CPM: variants seen among roughly 807,000 people sequenced by gnomAD.
CPM encodes renal carboxypeptidase.
A neutral mutation model predicts 46.4 loss-of-function variants in CPM; 35 were observed. The ratio of observed to expected loss-of-function variants is 0.75; its 90% CI spans 0.58 to 1.00. The LOEUF is 1.00. CPM is among the 50% of genes least tolerant of loss of function. CPM has a pLI of 0.00. For synonymous variants in CPM, 195 were observed against 195.3 expected, an observed-to-expected ratio of 1.00 and a Z score of 0.01; for missense variants, 422 against 530.4, an observed-to-expected ratio of 0.80 and a Z score of 2.01.
intron 1 of CPM, among the ~76,000 whole-genome samples, chr12:68,954,382 C>T (rs953706887): frequency 5.9e-5 from 9 of 152,278 alleles, no homozygotes; most frequent in South Asian, 2.1e-4. Flanking sequence ...TCTGCCTCTG[C>T]GGCAGCCTCT....
chr12:68,906,555 T>A (rs751697805), intron 2 of CPM, among the ~76,000 whole-genome samples: 54 of 152,148 alleles, frequency 3.5e-4, no homozygotes, highest in African/African-American at 9.9e-4. Context: ...AGTGGCACGA[T>A]CTTGGTTCAC....
In CPM at chr12:68,856,293, T is replaced by C. The variant is rs957534562; in HGVS notation, c.*144A>G. 37 of 929,292 alleles carry C rather than the reference T, an allele frequency of 4.0e-5. No individual in the cohort carries two copies. Among genetic ancestry groups the C allele is most frequent in the Non-Finnish European group, 5.0e-5 (31 of 615,290 alleles). The allele number at this position is 929,292 out of a possible 1,614,324, so 57.6% of individuals were successfully genotyped here. Reference sequence around the variant, plus strand: ...CACCACATATTGCTTATTGTGGAATTTGGAAACATCCATTTCTCTTCTTCA... The same window carrying C: ...CACCACATATTGCTTATTGTGGAATCTGGAAACATCCATTTCTCTTCTTCA... On this transcript the variant is annotated 3_prime_UTR_variant, in exon 9 of 9. Coordinates refer to ENST00000551568, the MANE Select transcript of CPM (RefSeq NM_198320.5).
intron 5 of CPM, chr12:68,843,295 TGAGA>T (rs138844063): frequency 0.053 from 11,616 of 218,394 alleles, 1,332 homozygotes; most frequent in African/African-American, 0.25. Flanking sequence ...GGCCATTTAT[TGAGA>T]GAGAGAGAGA....
rs1388038630 is a variant in CPM at position 68,852,739 on chromosome 12, T to A, written c.*3698A>T. 14 of 151,926 alleles carry A rather than the reference T, an allele frequency of 9.2e-5. No homozygotes were observed. The highest frequency in any genetic ancestry group is 2.2e-4 in the African/African-American group (9 of 41,408). 9.4% of individuals were successfully genotyped at this position (151,926 alleles called of 1,614,324 possible). A position where few individuals can be genotyped will look rare whatever the true frequency, so the allele number is the denominator to read the frequency against. On this transcript the variant is annotated 3_prime_UTR_variant, in exon 9 of 9. Coordinates refer to ENST00000551568, the MANE Select transcript of CPM (RefSeq NM_198320.5). ...CGCCCGGCTAATTTTTGTATTTTTT[T>A]TTAGTAGAGATGGGGTTTCACCGTG...
At chr12:68,866,830 A>G in intron 7 of CPM, 66 bp downstream of exon 7, 1 of 1,404,472 alleles carries the variant, frequency 7.1e-7, no homozygotes, top group Non-Finnish European at 1.0e-6. Flanking sequence ...CGTTTAGTCA[A>G]CCCAGAGGTC....
intron 2 of CPM, among the ~76,000 whole-genome samples, chr12:68,931,763 A>AAAAAAAAAAAGAAAGAAAGAAAG (rs1482981614): frequency 1.5e-5 from 2 of 132,504 alleles, no homozygotes; most frequent in African/African-American, 6.1e-5. Flanking sequence ...AAAAAAAAAA[A>AAAAAAAAAAAGAAAGAAAGAAAG]AAAGAAAGAA....
At chr12:68,843,871 T>G (rs1170388391) in intron 5 of CPM, 1 of 216,062 alleles carries the variant, frequency 4.6e-6, no homozygotes, top group Non-Finnish European at 9.3e-6. Flanking sequence ...ATACTTCAGC[T>G]TCAATTTGGA....
chr12:68,903,464 C>T (rs560100628), intron 2 of CPM, among the ~76,000 whole-genome samples: 1 of 152,336 alleles, frequency 6.6e-6, no homozygotes, highest in Non-Finnish European at 1.5e-5. Flanking sequence ...CTCCCAAACC[C>T]AACTCTTTGG....
chr12:68,932,633 G>A (rs1322726748), intron 2 of CPM, 45 bp downstream of exon 2: 1 of 1,606,944 alleles, frequency 6.2e-7, no homozygotes, highest in Non-Finnish European at 8.5e-7. Context: ...AATACTGAAA[G>A]GGAGGACTGA....
chr12:68,842,228 T>TTA (rs1462738248), exon 6 of CPM: 1 of 498,854 alleles, frequency 2.0e-6, no homozygotes, highest in East Asian at 4.6e-5. Flanking sequence ...CAAGCTATAT[T>TTA]TATAATGAAC....
At chr12:68,961,859 T>G (rs1293148190) in intron 1 of CPM, among the ~76,000 whole-genome samples, 8 of 152,216 alleles carry the variant, frequency 5.3e-5, no homozygotes. Flanking sequence ...TGATTATTTT[T>G]AATGTTTAAA....
chr12:68,955,504 T>TGG (rs66949427), intron 1 of CPM, among the ~76,000 whole-genome samples: 3 of 149,070 alleles, frequency 2.0e-5, no homozygotes, highest in Non-Finnish European at 4.5e-5. Context: ...TGTGTGGGGG[T>TGG]GGGGGGGGCA....
At chr12:68,885,748 A>G (rs1279808769) in intron 3 of CPM, 44 bp downstream of exon 3, 1 of 1,486,390 alleles carries the variant, frequency 6.7e-7, no homozygotes, top group Non-Finnish European at 9.4e-7. Flanking sequence ...ACCCTAGGGG[A>G]AGCTTCTCTG....
At chr12:68,945,846 C>CTTTTTTTTTTTTTTTTTTTTTT (rs1170064808) in intron 1 of CPM, among the ~76,000 whole-genome samples, 2 of 88,460 alleles carry the variant, frequency 2.3e-5, no homozygotes, top group Admixed American at 1.4e-4. Flanking sequence ...TTCTTTCTTT[C>CTTTTTTTTTTTTTTTTTTTTTT]TTTTTTTTTT....
At chr12:68,915,646 G>A (rs764543653) in intron 2 of CPM, among the ~76,000 whole-genome samples, 8 of 152,144 alleles carry the variant, frequency 5.3e-5, no homozygotes, top group Admixed American at 2.0e-4. Flanking sequence ...TTCCCATTAC[G>A]GCAGTTGGGT....
At chr12:68,955,715 G>A (rs1889004702) in intron 1 of CPM, among the ~76,000 whole-genome samples, 1 of 152,082 alleles carries the variant, frequency 6.6e-6, no homozygotes, top group Non-Finnish European at 1.5e-5. Context: ...TTGTCCTGAG[G>A]TCTGTGCAGC....
chr12:68,942,423 ATATAAAAATACACAGCAATGAC>A (rs754836187), intron 1 of CPM, among the ~76,000 whole-genome samples: 13 of 152,264 alleles, frequency 8.5e-5, no homozygotes, highest in Non-Finnish European at 1.5e-4. Flanking sequence ...CATAGGAAGA[ATATAAAAATACACAGCAATGAC>A]TATAAAATCA....
intron 8 of CPM, 42 bp from the exon 9 acceptor site, chr12:68,856,721 G>T: frequency 6.3e-7 from 1 of 1,597,994 alleles, no homozygotes; most frequent in African/African-American, 1.3e-5. Context: ...GACTTAAGAT[G>T]GTTCGTGGTG....
chr12:68,939,167 T>C lies in CPM; in HGVS notation c.-3-6327A>G, dbSNP rs1039999050. On this transcript the variant is annotated intron_variant, in intron 1 of 8. Coordinates refer to the CPM transcript ENST00000546373. ...TATATCTATAATAATATATACATAATATATGTATATGTTATGTATATATGT... is the reference window on the plus strand; with the variant it reads ...TATATCTATAATAATATATACATAACATATGTATATGTTATGTATATATGT... Among the ~76,000 whole-genome samples, 43 of 145,786 alleles carry C rather than the reference T, an allele frequency of 2.9e-4. 1 individual carries two copies. Among genetic ancestry groups the C allele is most frequent in the Non-Finnish European group, 1.0e-4 (7 of 66,970 alleles).
Sources: gnomAD v4.1 joint callset for allele counts (sites outside exome capture counted in the v4.1 genomes callset) on GRCh38, gnomAD v4.1.1 for gene constraint, MANE v1.5 for transcripts, NCBI Gene and HGNC (gene_info 2026-07-23, HGNC 2026-07-21) for gene names.